The following CAPN2 variants were observed in gnomAD, a reference collection of about 807,000 sequenced individuals.
The protein encoded by CAPN2 is calpain-2 catalytic subunit.
Under a neutral mutation model 102.3 loss-of-function variants are expected in CAPN2, and 92 were observed. The ratio of observed to expected loss-of-function variants is 0.90; its 90% confidence interval spans 0.76 to 1.07. The LOEUF (loss-of-function observed/expected upper bound fraction) is 1.07, where lower values mean the gene tolerates loss of function less well. Among genes scored for constraint, CAPN2 ranks in the 50% least tolerant of loss-of-function variants. The pLI is 0.00. For missense variants in CAPN2, 800 were observed against 909.4 expected (o/e 0.88, Z 1.55); for synonymous variants, 340 against 355.4 (o/e 0.96, Z 0.49).
intron 11 of CAPN2, chr1:223,757,894 T>C (rs1490137301): frequency 6.5e-6 from 1 of 153,276 alleles, no homozygotes; most frequent in East Asian, 1.9e-4. Context: ...TTTGTCTCGC[T>C]CTTTCACCCA....
In CAPN2 at chr1:223,745,541, T is replaced by G. The variant is rs893936513; in HGVS notation, c.560+102T>G. The stretch of plus-strand genomic sequence containing the variant: ...ATCTCAGCACTTTGGGAGGCCGAGG[T>G]GGGTGGATCATTTGAGGTCAGGAGT... On this transcript the variant is annotated intron_variant, in intron 4 of 20. Transcript: ENST00000295006. 4 of 1,370,984 alleles carry G rather than the reference T, an allele frequency of 2.9e-6. No homozygotes were observed. The South Asian group carries it at 4.8e-5, about 16-fold the overall frequency. The allele number at this position is 1,370,984 out of a possible 1,614,324, so 84.9% of individuals were successfully genotyped here. A position where few individuals can be genotyped will look rare whatever the true frequency, so the allele number is the denominator to read the frequency against.
At chr1:223,735,174 G>C (rs1467698893) in intron 2 of CAPN2, among the ~76,000 whole-genome samples, 1 of 152,162 alleles carries the variant, frequency 6.6e-6, no homozygotes, top group African/African-American at 2.4e-5. Context: ...CACCAGCTTA[G>C]AGAAATTAAG....
rs747747881 is a variant in CAPN2, at chr1:223,747,174, AG to A, written c.729+11del. Reference sequence around the variant, plus strand: ...TTGGCTGCTCCATCGACGTAAGTCCAGGCTGCCTTCCCTAGCCTCACCCCAT... The same window carrying A: ...TTGGCTGCTCCATCGACGTAAGTCCAGCTGCCTTCCCTAGCCTCACCCCAT... On this transcript the variant is annotated intron_variant, in intron 5 of 20. Transcript: ENST00000295006. The A allele has an allele frequency of 1.9e-5, 31 of 1,609,572 alleles. No homozygotes were observed. In the Admixed American group the frequency reaches 5.0e-4, roughly 26 times the overall value.
chr1:223,752,676 T>C lies in CAPN2; in HGVS notation c.975-120T>C, dbSNP rs1329778605. 3 of 832,518 alleles carry C rather than the reference T, an allele frequency of 3.6e-6. No individual in the cohort carries two copies. In the East Asian group the frequency reaches 7.8e-5, roughly 22 times the overall value. 51.6% of individuals were successfully genotyped at this position (832,518 alleles called of 1,614,324 possible). A position where few individuals can be genotyped will look rare whatever the true frequency, so the allele number is the denominator to read the frequency against. ...GATTCTGAACCTGGTGCCCATCCAC[T>C]CAGTTCTAATGAGCTGCTCTGCCTG... On this transcript the variant is annotated intron_variant, in intron 8 of 20. Transcript: ENST00000295006.
chr1:223,766,302 G>A (rs1014122785), intron 15 of CAPN2, 65 bp from the exon 16 acceptor site: 2 of 1,179,578 alleles, frequency 1.7e-6, no homozygotes, highest in East Asian at 2.3e-5. Flanking sequence ...CTCCATGATT[G>A]TGGAAAGTTC....
intron 15 of CAPN2, among the ~76,000 whole-genome samples, chr1:223,765,991 T>C (rs1435677819): frequency 1.3e-5 from 2 of 152,246 alleles, no homozygotes; most frequent in Non-Finnish European, 2.9e-5. Flanking sequence ...GTAAACCTCT[T>C]TCTCTCACGG....
chr1:223,702,055 A>G (rs1160070888), intron 1 of CAPN2, among the ~76,000 whole-genome samples: 1 of 33,426 alleles, frequency 3.0e-5, no homozygotes, highest in African/African-American at 1.3e-4. Context: ...GGGAAGAAGG[A>G]AGGAAGGAAG....
rs1661130373 is a variant in CAPN2, at chr1:223,759,421, A to G, written c.1469A>G (p.Glu490Gly). 6.2e-7 allele frequency: 1 copy of G among 1,614,148 alleles called. No individual in the cohort carries two copies. The highest frequency in any genetic ancestry group is 8.5e-7 in the Non-Finnish European group (1 of 1,180,028). Reference protein sequence around the residue: ...GEYILVPSTFEPNKDGDFCIR... With the variant: ...GEYILVPSTFGPNKDGDFCIR... ...TACATTCTCGTGCCTTCCACCTTCG[A>G]ACCCAACAAGGATGGGGATTTCTGC... Residue 490 changes from glutamate (E) to glycine (G), a missense_variant, in exon 12 of 21, where the codon GAA becomes GGA. Coordinates refer to ENST00000295006, the MANE Select transcript of CAPN2 (RefSeq NM_001748.5). This position sits in a 1 kb window ranked among gnomAD's most constrained non-coding sequence, Gnocchi z 4.6.
Position 223,738,894 on chromosome 1 carries a change from C to G in CAPN2, c.308-5206C>G, listed in dbSNP as rs535360053. Among the ~76,000 whole-genome samples the G allele has an allele frequency of 7.2e-5, 11 of 152,364 alleles. No individual in the cohort carries two copies. In the South Asian group the frequency reaches 2.1e-3, roughly 29 times the overall value. On this transcript the variant is annotated intron_variant, in intron 2 of 20. Transcript: ENST00000295006. ...GCCACATGGAGCCGAGCCACGCTCT[C>G]AGAGAAGGAGCCAGGGAAGAAACAC...
intron 2 of CAPN2, among the ~76,000 whole-genome samples, chr1:223,736,117 C>T (rs1243156007): frequency 6.6e-6 from 1 of 152,172 alleles, no homozygotes; most frequent in African/African-American, 2.4e-5. Flanking sequence ...AGCACCCCTG[C>T]CCAGAGTGCC....
intron 1 of CAPN2, among the ~76,000 whole-genome samples, chr1:223,703,326 T>A (rs894310701): frequency 6.6e-6 from 1 of 152,122 alleles, no homozygotes; most frequent in African/African-American, 2.4e-5. Flanking sequence ...TTTTTTTTTT[T>A]TAGATGGGGG....
intron 2 of CAPN2, among the ~76,000 whole-genome samples, chr1:223,743,764 G>A (rs909402729): frequency 3.4e-4 from 51 of 152,208 alleles, no homozygotes; most frequent in Admixed American, 5.9e-4. Context: ...CAGGTGCAAG[G>A]CTGGGCTCTG....
chr1:223,718,839 T>G (rs1558060183), intron 2 of CAPN2, among the ~76,000 whole-genome samples: 4 of 152,142 alleles, frequency 2.6e-5, no homozygotes, highest in Admixed American at 1.3e-4. Flanking sequence ...TTATTCCCAT[T>G]TTATAGATGA....
At chr1:223,714,040 G>A (rs2040103) in intron 1 of CAPN2, among the ~76,000 whole-genome samples, 107,003 of 152,042 alleles carry the variant, frequency 0.7, 38,398 homozygotes, top group Non-Finnish European at 0.78. Flanking sequence ...AGCAAGGCAC[G>A]CTGTTACCTG....
In CAPN2 at chr1:223,759,732, G is replaced by A. The variant is rs16842132; in HGVS notation, c.1529+251G>A. 0.027 allele frequency among the ~76,000 whole-genome samples: 4,094 copies of A among 152,236 alleles called. 184 individuals are homozygous for A. The highest frequency in any genetic ancestry group is 0.093 in the African/African-American group (3,868 of 41,518). The stretch of plus-strand genomic sequence containing the variant: ...GGGGTGGCTGTACAGTGAATTGCAG[G>A]GTCTAATTTCATAAGCGTGTCTCTG... On this transcript the variant is annotated intron_variant, in intron 12 of 20. Transcript: ENST00000295006. The surrounding 1 kb of genome is among the most constrained non-coding windows in gnomAD (Gnocchi z 4.6).
chr1:223,723,675 C>G (rs904198898), intron 2 of CAPN2, among the ~76,000 whole-genome samples: 4 of 152,084 alleles, frequency 2.6e-5, no homozygotes, highest in Non-Finnish European at 4.4e-5. Context: ...GACAGCTCAT[C>G]AACAGGTCCA....
chr1:223,718,618 T>C (rs11801247), intron 2 of CAPN2, among the ~76,000 whole-genome samples: 6 of 152,194 alleles, frequency 3.9e-5, no homozygotes, highest in African/African-American at 4.8e-5. Flanking sequence ...GGGCCTATAA[T>C]TACTAGAGCA....
intron 20 of CAPN2, chr1:223,773,210 G>A (rs910462513): frequency 6.6e-6 from 1 of 152,164 alleles, no homozygotes; most frequent in African/African-American, 2.4e-5. Context: ...ACATATCCTA[G>A]GAAATATCTC....
At chr1:223,765,576 G>C (rs544740484) in intron 15 of CAPN2, among the ~76,000 whole-genome samples, 49 of 152,328 alleles carry the variant, frequency 3.2e-4, no homozygotes, top group African/African-American at 1.2e-3. Context: ...CTCCTTGCTG[G>C]GGGAGCAGCA....
Sources: allele counts gnomAD v4.1 joint callset (sites outside exome capture counted in the v4.1 genomes callset), GRCh38; gene constraint gnomAD v4.1.1; non-coding constraint Gnocchi (gnomAD v3.1); transcripts MANE v1.5; gene names NCBI Gene and HGNC (gene_info 2026-07-23, HGNC 2026-07-21).